LRBA: variants seen among roughly 807,000 people sequenced by gnomAD.
LRBA encodes the protein lipopolysaccharide-responsive and beige-like anchor protein.
Under a neutral mutation model 330.0 loss-of-function variants are expected in LRBA, and 176 were observed. That is an observed-to-expected ratio of 0.53 (90% CI 0.47 to 0.60). LRBA has a LOEUF of 0.60. LRBA is among the 20% of genes least tolerant of loss of function. The probability of loss-of-function intolerance (pLI) is 0.00; values close to 1 mark genes in which losing one functional copy is unlikely to be tolerated. For synonymous variants in LRBA, 1,230 were observed against 1,193.0 expected, an observed-to-expected ratio of 1.03 and a Z score of -0.64; for missense variants, 3,259 against 3,444.8, an observed-to-expected ratio of 0.95 and a Z score of 1.35.
rs370640259 is a variant in LRBA, at chr4:150,916,658, T to C, written c.726A>G (p.Val242=). 6.2e-6 allele frequency: 10 copies of C among 1,602,070 alleles called. No individual in the cohort carries two copies. In the South Asian group the frequency reaches 1.1e-4, roughly 18 times the overall value. Residue 242 remains valine, a synonymous_variant, in exon 6 of 57, where the codon GTA becomes GTG. Transcript: ENST00000651943. ...TATCCTTATCTACATTGATGTTATT[T>C]ACAGGATCCATTCTAAGCCATGTAT... The part of the protein sequence containing the change: ...TFHTWLRMDP[V]NNINVDKDKP...
rs551443688 is a variant in LRBA, at chr4:150,539,212, G to C, written c.6331-48177C>G. 3.3e-5 allele frequency among the ~76,000 whole-genome samples: 5 copies of C among 152,268 alleles called. No individual in the cohort carries two copies. The East Asian group carries it at 9.6e-4, about 29-fold the overall frequency. On this transcript the variant is annotated intron_variant, in intron 40 of 56. Coordinates refer to ENST00000651943, the MANE Select transcript of LRBA (RefSeq NM_001364905.1). ...GATGGTCTCAATCTCTTGACGTCGT[G>C]ATCCGCCCGCTGCGGCCTCCCAAAG...
At chr4:150,290,189 A>T (rs1728071160) in intron 53 of LRBA, among the ~76,000 whole-genome samples, 1 of 152,188 alleles carries the variant, frequency 6.6e-6, no homozygotes, top group African/African-American at 2.4e-5. Flanking sequence ...TTGTCAGCCC[A>T]CATAGTTAAT....
chr4:150,922,394 G>GTGTATATA (rs1554000209), intron 4 of LRBA, among the ~76,000 whole-genome samples: 2 of 139,706 alleles, frequency 1.4e-5, no homozygotes, highest in African/African-American at 2.6e-5. Context: ...AGAAACTGTG[G>GTGTATATA]TATATATATA....
intron 49 of LRBA, among the ~76,000 whole-genome samples, chr4:150,322,362 CTA>C (rs1283276654): frequency 6.6e-6 from 1 of 152,164 alleles, no homozygotes; most frequent in Non-Finnish European, 1.5e-5. Flanking sequence ...TGGTGGTGTG[CTA>C]TCATACAGTA....
At chr4:150,761,758 A>C in intron 35 of LRBA, 25 bp downstream of exon 35, 1 of 1,441,530 alleles carries the variant, frequency 6.9e-7, no homozygotes, top group Non-Finnish European at 9.5e-7. Context: ...AAAAATACAA[A>C]ATGAATTAAA....
At chr4:150,527,161 G>A (rs1202272339) in intron 40 of LRBA, among the ~76,000 whole-genome samples, 1 of 152,058 alleles carries the variant, frequency 6.6e-6, no homozygotes, top group African/African-American at 2.4e-5. Flanking sequence ...TGAGATGCAA[G>A]CGTCTCATGA....
chr4:150,312,791 A>T lies in LRBA; in HGVS notation c.7694-2407T>A, dbSNP rs1360277000. Among the ~76,000 whole-genome samples, 3 of 152,140 alleles carry T rather than the reference A, an allele frequency of 2.0e-5. 1 individual carries two copies. Among genetic ancestry groups the T allele is most frequent in the Non-Finnish European group, 4.4e-5 (3 of 67,998 alleles). ...ATAATAGATCACTATATGAATTGCC[A>T]CTAATGCAGAGAGTTCAAAGATTTG... On this transcript the variant is annotated intron_variant, in intron 51 of 56. Coordinates refer to ENST00000651943, the MANE Select transcript of LRBA (RefSeq NM_001364905.1).
chr4:150,732,227 C>T (rs1243491172), intron 36 of LRBA, among the ~76,000 whole-genome samples: 1 of 151,978 alleles, frequency 6.6e-6, no homozygotes, highest in Non-Finnish European at 1.5e-5. Flanking sequence ...TTATACAATA[C>T]TGCAATAAAT....
At chr4:150,996,227 A>C (rs1742630505) in intron 2 of LRBA, among the ~76,000 whole-genome samples, 1 of 152,194 alleles carries the variant, frequency 6.6e-6, no homozygotes, top group Admixed American at 6.5e-5. Context: ...ATTTAGCATA[A>C]ATGAAACTCC....
Position 150,896,433 on chromosome 4 carries a change from T to G in LRBA, c.2028A>C (p.Glu676Asp). 6.5e-7 allele frequency: 1 copy of G among 1,542,848 alleles called. No individual in the cohort carries two copies. Among genetic ancestry groups the G allele is most frequent in the Non-Finnish European group, 8.9e-7 (1 of 1,124,276 alleles). ...GTAGGTAATTAAGAATGGCCTGTAA[T>G]TCATCTTCCTTTACTCCAGAATCCT... ...VMKDSGVKED[E>D]LQAILNYLLT... The change falls in exon 16 of 57, where the codon GAA becomes GAC. Residue 676 changes from glutamate (E) to aspartate (D), a missense_variant. Coordinates refer to ENST00000651943, the MANE Select transcript of LRBA (RefSeq NM_001364905.1).
chr4:150,838,668 T>C (rs950607894), intron 28 of LRBA, among the ~76,000 whole-genome samples: 5 of 152,350 alleles, frequency 3.3e-5, no homozygotes, highest in Admixed American at 3.3e-4. Context: ...TTCTCTACAC[T>C]GGTTATTCTA....
intron 26 of LRBA, among the ~76,000 whole-genome samples, chr4:150,845,549 C>G (rs570572850): frequency 2.0e-5 from 3 of 152,162 alleles, no homozygotes; most frequent in Non-Finnish European, 4.4e-5. Flanking sequence ...CCCTCCAAAT[C>G]TGTAGCACTC....
chr4:150,993,748 T>C (rs943784922), intron 2 of LRBA, among the ~76,000 whole-genome samples: 6 of 152,128 alleles, frequency 3.9e-5, no homozygotes, highest in African/African-American at 1.2e-4. Context: ...ATGAGACTTA[T>C]TCACTACCAC....
chr4:150,834,444 T>A (rs1260523753), intron 28 of LRBA, among the ~76,000 whole-genome samples: 1 of 152,190 alleles, frequency 6.6e-6, no homozygotes, highest in Non-Finnish European at 1.5e-5. Flanking sequence ...ATAACATGAA[T>A]CTCCTTGTAT....
chr4:150,597,722 C>CA (rs1304171878), intron 38 of LRBA, among the ~76,000 whole-genome samples: 7 of 151,116 alleles, frequency 4.6e-5, no homozygotes, highest in Admixed American at 1.3e-4. Context: ...AAAAAACACA[C>CA]AAAAAAAGAA....
intron 40 of LRBA, among the ~76,000 whole-genome samples, chr4:150,557,340 T>G (rs953274043): frequency 1.3e-5 from 2 of 152,164 alleles, no homozygotes; most frequent in African/African-American, 2.4e-5. Context: ...TGTATAAAGT[T>G]AAGGCATAAT....
At chr4:150,481,362 G>A (rs1757276825) in intron 42 of LRBA, among the ~76,000 whole-genome samples, 2 of 151,998 alleles carry the variant, frequency 1.3e-5, no homozygotes, top group East Asian at 1.9e-4. Flanking sequence ...CCCAGTAGTG[G>A]GAACTCTGGA....
intron 42 of LRBA, among the ~76,000 whole-genome samples, chr4:150,483,488 C>CT (rs34487705): frequency 0.85 from 128,127 of 151,370 alleles, 55,730 homozygotes; most frequent in Non-Finnish European, 0.95. Flanking sequence ...GTCTATTTCT[C>CT]TTTTTTCCTT....
At chr4:151,006,294 G>A (rs1744067210) in intron 2 of LRBA, among the ~76,000 whole-genome samples, 1 of 152,106 alleles carries the variant, frequency 6.6e-6, no homozygotes, top group South Asian at 2.1e-4. Flanking sequence ...CCACTACACT[G>A]CAGTATGGGT....
Sources: allele counts gnomAD v4.1 joint callset (sites outside exome capture counted in the v4.1 genomes callset), GRCh38; gene constraint gnomAD v4.1.1; transcripts MANE v1.5; gene names NCBI Gene and HGNC (gene_info 2026-07-23, HGNC 2026-07-21).